The following OPCML variants were observed in gnomAD, a reference collection of about 807,000 sequenced individuals.
OPCML encodes opioid binding protein/cell adhesion molecule like.
OPCML carries 13 observed loss-of-function variants against 37.8 expected under a neutral mutation model. The observed-to-expected ratio is 0.34, with a 90% CI of 0.22 to 0.55. OPCML has a LOEUF of 0.55. Among genes scored for constraint, OPCML ranks in the 20% least tolerant of loss-of-function variants. OPCML has a pLI of 0.91. For missense variants in OPCML, 341 were observed against 435.6 expected (o/e 0.78, Z 1.93); for synonymous variants, 176 against 168.8 (o/e 1.04, Z -0.33).
chr11:132,741,516 G>A (rs1159381494), intron 2 of OPCML, among the ~76,000 whole-genome samples: 1 of 152,070 alleles, frequency 6.6e-6, no homozygotes, highest in Non-Finnish European at 1.5e-5. Context: ...TCTAACCACT[G>A]AGAATTGTTA....
At chr11:132,461,826 G>A (rs917845051) in intron 4 of OPCML, among the ~76,000 whole-genome samples, 15 of 152,240 alleles carry the variant, frequency 9.9e-5, no homozygotes, top group Admixed American at 2.0e-4. Flanking sequence ...AGTGCCAAGC[G>A]AAAGGGGAAA....
chr11:132,439,203 G>A (rs2096023487), intron 4 of OPCML, among the ~76,000 whole-genome samples: 1 of 152,194 alleles, frequency 6.6e-6, no homozygotes, highest in Non-Finnish European at 1.5e-5. Context: ...CACATAAGAA[G>A]TGGCTGAAGG....
rs191732483 is a variant in OPCML at position 132,620,736 on chromosome 11, C to T, written c.379+36351G>A. ...AGATAGAGAATGCGTTGACCTGGCT[C>T]TCTCTCATCTCATGTCCTGTCTTCC... On this transcript the variant is annotated intron_variant, in intron 3 of 7. Transcript: ENST00000524381. Among the ~76,000 whole-genome samples the T allele has an allele frequency of 2.6e-3, 402 of 152,336 alleles. 3 individuals are homozygous for T. Among genetic ancestry groups the T allele is most frequent in the African/African-American group, 9.1e-3 (379 of 41,570 alleles).
chr11:132,986,360 G>A (rs1269376109), intron 1 of OPCML, among the ~76,000 whole-genome samples: 1 of 152,078 alleles, frequency 6.6e-6, no homozygotes, highest in Non-Finnish European at 1.5e-5. Context: ...AGTATAATAA[G>A]CATTTTACAG....
chr11:132,452,577 C>T (rs777384210), intron 4 of OPCML, among the ~76,000 whole-genome samples: 1 of 150,928 alleles, frequency 6.6e-6, no homozygotes, highest in Non-Finnish European at 1.5e-5. Flanking sequence ...TCCTGCCTGC[C>T]TTCCTACTTT....
At chr11:133,390,465 CA>C (rs1471450928) in intron 1 of OPCML, among the ~76,000 whole-genome samples, 1 of 151,558 alleles carries the variant, frequency 6.6e-6, no homozygotes, top group Non-Finnish European at 1.5e-5. Context: ...TCCATCTCAA[CA>C]AAAACAACAA....
At chr11:132,463,806 C>A (rs1040231391) in intron 4 of OPCML, among the ~76,000 whole-genome samples, 1 of 152,156 alleles carries the variant, frequency 6.6e-6, no homozygotes, top group African/African-American at 2.4e-5. Flanking sequence ...GGAATTATGG[C>A]TCCATAGTGT....
chr11:132,913,395 C>T (rs1944490294), intron 2 of OPCML, among the ~76,000 whole-genome samples: 1 of 152,150 alleles, frequency 6.6e-6, no homozygotes, highest in African/African-American at 2.4e-5. Flanking sequence ...CATTAGTAAA[C>T]ATTGGTAAAA....
intron 3 of OPCML, among the ~76,000 whole-genome samples, chr11:132,547,901 A>G (rs1419033193): frequency 6.6e-6 from 1 of 152,214 alleles, no homozygotes. Context: ...GAGCTCTCCA[A>G]CAATGCAAGA....
chr11:132,584,605 CAG>C (rs1312186084), intron 3 of OPCML, among the ~76,000 whole-genome samples: 2 of 152,144 alleles, frequency 1.3e-5, no homozygotes, highest in Non-Finnish European at 2.9e-5. Context: ...TCTCTGTAAA[CAG>C]AGATGACTGT....
At chr11:133,395,185 T>C (rs911281681) in intron 1 of OPCML, among the ~76,000 whole-genome samples, 1 of 152,252 alleles carries the variant, frequency 6.6e-6, no homozygotes, top group African/African-American at 2.4e-5. Context: ...TTGAGAAATG[T>C]CTATGCAGAT....
At chr11:132,551,061 C>A (rs1381774582) in intron 3 of OPCML, among the ~76,000 whole-genome samples, 1 of 152,146 alleles carries the variant, frequency 6.6e-6, no homozygotes, top group East Asian at 1.9e-4. Flanking sequence ...CCTGAGGCTT[C>A]CAGAGAGATG....
intron 2 of OPCML, among the ~76,000 whole-genome samples, chr11:132,823,304 C>T (rs558255788): frequency 6.9e-4 from 105 of 152,284 alleles, no homozygotes; most frequent in African/African-American, 2.4e-3. Flanking sequence ...AACATGCCTT[C>T]GCATGGGGGA....
chr11:133,316,518 G>A (rs1943208668), intron 1 of OPCML, among the ~76,000 whole-genome samples: 1 of 152,038 alleles, frequency 6.6e-6, no homozygotes, highest in Non-Finnish European at 1.5e-5. Flanking sequence ...ATGCATGCGG[G>A]GCTTAAAACC....
At chr11:133,111,285 G>A (rs1351996969) in intron 1 of OPCML, among the ~76,000 whole-genome samples, 1 of 152,224 alleles carries the variant, frequency 6.6e-6, no homozygotes, top group Non-Finnish European at 1.5e-5. Context: ...ACGGTAGCTA[G>A]TTTCCCTGTC....
intron 2 of OPCML, among the ~76,000 whole-genome samples, chr11:132,814,721 A>G (rs1465720194): frequency 6.6e-6 from 1 of 152,220 alleles, no homozygotes; most frequent in South Asian, 2.1e-4. Flanking sequence ...CATGTAAAAA[A>G]TTAACCATCA....
intron 2 of OPCML, among the ~76,000 whole-genome samples, chr11:132,891,901 C>T (rs1423730842): frequency 6.6e-6 from 1 of 152,188 alleles, no homozygotes; most frequent in Non-Finnish European, 1.5e-5. Context: ...CCACCCACAC[C>T]CCTGCTGCCG....
intron 1 of OPCML, among the ~76,000 whole-genome samples, chr11:133,407,226 C>G (rs1052609119): frequency 6.6e-6 from 1 of 152,146 alleles, no homozygotes; most frequent in Non-Finnish European, 1.5e-5. Context: ...AAGGAATCAA[C>G]AGCTAGAATT....
intron 1 of OPCML, among the ~76,000 whole-genome samples, chr11:133,122,881 G>A (rs1278914809): frequency 6.6e-6 from 1 of 152,210 alleles, no homozygotes. Context: ...TACAGCCAGC[G>A]AGTAATTCTA....
Sources: allele counts gnomAD v4.1 joint callset (sites outside exome capture counted in the v4.1 genomes callset), GRCh38; gene constraint gnomAD v4.1.1; transcripts MANE v1.5; gene names NCBI Gene and HGNC (gene_info 2026-07-23, HGNC 2026-07-21).